The following ZNF334 variants were observed in gnomAD, a reference collection of about 807,000 sequenced individuals.
The protein encoded by ZNF334 is zinc finger protein 334.
Under a neutral mutation model 12.4 loss-of-function variants are expected in ZNF334, and 14 were observed. The observed-to-expected ratio is 1.13, with a 90% CI of 0.74 to 1.76. The LOEUF (loss-of-function observed/expected upper bound fraction) is 1.76, where lower values mean the gene tolerates loss of function less well. Among genes scored for constraint, ZNF334 ranks in the 40% most tolerant of loss-of-function variants. ZNF334 has a pLI of 0.00. For missense variants in ZNF334, 797 were observed against 804.5 expected (o/e 0.99, Z 0.11); for synonymous variants, 273 against 269.6 (o/e 1.01, Z -0.12).
chr20:46,502,739 C>G lies in ZNF334; in HGVS notation c.600G>C (p.Gln200His). 1 of 1,613,824 alleles carries G rather than the reference C, an allele frequency of 6.2e-7. No individual in the cohort carries two copies. Reference sequence around the variant, plus strand: ...ACGGTTGTTTCAAAATCTGAATGTTCTGGTGCAGAATAAGATTTTCGTTTT... The same window carrying G: ...ACGGTTGTTTCAAAATCTGAATGTTGTGGTGCAGAATAAGATTTTCGTTTT... ...SNQNENLILH[Q>H]NIQILKQPFD... The change falls in exon 5 of 5, where the codon CAG (glutamine) becomes CAC (histidine). Residue 200 changes from glutamine (Q) to histidine (H), a missense_variant. Gln to His is a conservative substitution (Grantham distance 24). Coordinates refer to ENST00000692313, the MANE Select transcript of ZNF334 (RefSeq NM_001353824.2).
intron 2 of ZNF334, among the ~76,000 whole-genome samples, chr20:46,507,878 G>A (rs1186173239): frequency 6.6e-6 from 1 of 152,082 alleles, no homozygotes; most frequent in Non-Finnish European, 1.5e-5. Context: ...GCTTCCTGAA[G>A]ATAAAGAGTA....
downstream of ZNF334, among the ~76,000 whole-genome samples, chr20:46,499,111 T>G (rs2061073754): frequency 7.2e-6 from 1 of 139,088 alleles, no homozygotes; most frequent in Non-Finnish European, 1.5e-5. Context: ...GAGGCGGAGC[T>G]TGCAGTGAGC....
rs188639592 is a variant in ZNF334 at position 46,501,987 on chromosome 20, T to C, written c.1352A>G (p.His451Arg). The change falls in exon 5 of 5, where the codon CAT (histidine) becomes CGT (arginine). Residue 451 changes from histidine to arginine, a missense_variant. Transcript: ENST00000692313. ...FLCTKSALIA[H>R]QITHRGKKSY... ...CTTCTTTCCTCTATGAGTTATCTGA[T>C]GTGCAATGAGGGCTGATTTCGTACA... 6.2e-7 allele frequency: 1 copy of C among 1,614,092 alleles called. No individual in the cohort carries two copies. The highest frequency in any genetic ancestry group is 1.3e-5 in the African/African-American group (1 of 75,078).
chr20:46,489,848 A>G, the ZNF334 span, among the ~76,000 whole-genome samples: 1 of 152,186 alleles, frequency 6.6e-6, no homozygotes, highest in Non-Finnish European at 1.5e-5. Context: ...ACTAGAATGA[A>G]GAAGATAACA....
the ZNF334 span, among the ~76,000 whole-genome samples, chr20:46,493,558 T>C: frequency 4.0e-3 from 605 of 152,106 alleles, 4 homozygotes; most frequent in African/African-American, 0.014. Flanking sequence ...CTGAGGTGGG[T>C]GGATCACTTG....
the ZNF334 span, among the ~76,000 whole-genome samples, chr20:46,473,849 C>T: frequency 3.3e-5 from 5 of 152,244 alleles, no homozygotes; most frequent in African/African-American, 1.2e-4. Flanking sequence ...CAATTAATAC[C>T]TGCACTTGAC....
At chr20:46,482,318 T>C in the ZNF334 span, among the ~76,000 whole-genome samples, 29,167 of 152,208 alleles carry the variant, frequency 0.19, 2,960 homozygotes, top group African/African-American at 0.25. Context: ...GAGTAAATGA[T>C]GGAGATCACG....
At chr20:46,507,259 G>A (rs539697845) in intron 2 of ZNF334, among the ~76,000 whole-genome samples, 1 of 151,676 alleles carries the variant, frequency 6.6e-6, no homozygotes, top group South Asian at 2.1e-4. Flanking sequence ...GGAAGGGGAA[G>A]GGGAAAGGAA....
At chr20:46,462,743 C>T in the ZNF334 span, among the ~76,000 whole-genome samples, 1 of 152,162 alleles carries the variant, frequency 6.6e-6, no homozygotes, top group African/African-American at 2.4e-5. Flanking sequence ...ACTGCTTTGT[C>T]CTTTAAAATC....
At chr20:46,504,469 C>T in intron 3 of ZNF334, 145 bp downstream of exon 3, 1 of 1,185,292 alleles carries the variant, frequency 8.4e-7, no homozygotes, top group Non-Finnish European at 1.2e-6. Flanking sequence ...GCAGTGAATA[C>T]ATACACAAAC....
chr20:46,497,179 T>C (rs1280180117), downstream of ZNF334, among the ~76,000 whole-genome samples: 3 of 152,206 alleles, frequency 2.0e-5, no homozygotes, highest in Non-Finnish European at 4.4e-5. Flanking sequence ...ACCAGACACC[T>C]GATGGCAAGA....
rs541289992 is a variant in ZNF334, at chr20:46,502,077, T to G, written c.1262A>C (p.Asn421Thr). 2.5e-6 allele frequency: 4 copies of G among 1,614,172 alleles called. No homozygotes were observed. In the Admixed American group the frequency reaches 6.7e-5, roughly 27 times the overall value. Residue 421 changes from asparagine to threonine, a missense_variant, in exon 5 of 5, where the codon AAT becomes ACT. Asn to Thr is a moderately conservative substitution (Grantham distance 65). Transcript: ENST00000692313. ...EKTFFCQSAL[N>T]VHRRSHTGEK... ...TCCTGTATGACTTCTTCGATGCACA[T>G]TGAGGGCAGATTGACAAAAGAAGGT...
At chr20:46,464,103 C>T in the ZNF334 span, 1 of 598,846 alleles carries the variant, frequency 1.7e-6, no homozygotes, top group Middle Eastern at 3.1e-4. Context: ...TTCACTGGGC[C>T]CAGTATCTGT....
At chr20:46,489,766 T>G in the ZNF334 span, among the ~76,000 whole-genome samples, 1 of 152,032 alleles carries the variant, frequency 6.6e-6, no homozygotes, top group African/African-American at 2.4e-5. Flanking sequence ...TTTTTGAAAA[T>G]ATTACTCATG....
intron 3 of ZNF334, 97 bp from the exon 4 acceptor site, chr20:46,504,403 G>T: frequency 8.1e-7 from 1 of 1,228,762 alleles, no homozygotes; most frequent in South Asian, 1.4e-5. Context: ...GTGCAATGAA[G>T]ATGCCCAGCA....
chr20:46,473,734 G>A, the ZNF334 span, among the ~76,000 whole-genome samples: 1 of 152,200 alleles, frequency 6.6e-6, no homozygotes. Flanking sequence ...CCCTCATGGA[G>A]TGTACATTCT....
the ZNF334 span, among the ~76,000 whole-genome samples, chr20:46,482,310 G>C: frequency 6.6e-6 from 1 of 152,300 alleles, no homozygotes; most frequent in Non-Finnish European, 1.5e-5. Flanking sequence ...GAAGAACTGA[G>C]TAAATGATGG....
At chr20:46,463,883 C>T in the ZNF334 span, 55 of 453,596 alleles carry the variant, frequency 1.2e-4, no homozygotes, top group South Asian at 6.3e-4. Flanking sequence ...TCACATGCCA[C>T]GCAAGGTGGC....
intron 2 of ZNF334, chr20:46,505,415 A>G (rs1184042648): frequency 2.0e-5 from 3 of 153,144 alleles, no homozygotes; most frequent in African/African-American, 7.2e-5. Flanking sequence ...AGTGAGTTCC[A>G]GCTATACACT....
Sources: allele counts gnomAD v4.1 joint callset (sites outside exome capture counted in the v4.1 genomes callset), GRCh38; gene constraint gnomAD v4.1.1; transcripts MANE v1.5; gene names NCBI Gene and HGNC (gene_info 2026-07-23, HGNC 2026-07-21).